The following TRANK1 variants were observed in gnomAD, a reference collection of about 807,000 sequenced individuals.
TRANK1 encodes TPR and ankyrin repeat-containing protein 1.
A neutral mutation model predicts 266.0 loss-of-function variants in TRANK1; 198 were observed. The ratio of observed to expected loss-of-function variants is 0.74; its 90% CI spans 0.66 to 0.84. The LOEUF (loss-of-function observed/expected upper bound fraction) is 0.84, where lower values mean the gene tolerates loss of function less well. Among genes scored for constraint, TRANK1 ranks in the 40% least tolerant of loss-of-function variants. The probability of loss-of-function intolerance (pLI) is 0.00; values close to 1 mark genes in which losing one functional copy is unlikely to be tolerated. For synonymous variants in TRANK1, 1,396 were observed against 1,384.1 expected (o/e 1.01, Z -0.19); for missense variants, 3,326 against 3,634.6 (o/e 0.92, Z 2.18).
At chr3:36,890,327 T>C (rs2079670312) in intron 7 of TRANK1, among the ~76,000 whole-genome samples, 2 of 152,104 alleles carry the variant, frequency 1.3e-5, no homozygotes, top group Admixed American at 1.3e-4. Context: ...AAGGTTGTGA[T>C]CCTAGTAGGG....
chr3:36,887,606 C>T (rs987057304), intron 8 of TRANK1, among the ~76,000 whole-genome samples: 20 of 152,140 alleles, frequency 1.3e-4, no homozygotes, highest in African/African-American at 3.9e-4. Flanking sequence ...GATTTGTGCA[C>T]GGACCTTCTT....
intron 8 of TRANK1, among the ~76,000 whole-genome samples, chr3:36,885,858 A>G (rs2079595415): frequency 2.0e-5 from 3 of 152,198 alleles, no homozygotes; most frequent in Non-Finnish European, 1.5e-5. Context: ...ATTATACAGC[A>G]TGCTAACTTT....
chr3:36,916,401 T>TA (rs886134762), intron 1 of TRANK1, among the ~76,000 whole-genome samples: 3 of 152,212 alleles, frequency 2.0e-5, no homozygotes, highest in East Asian at 3.9e-4. Context: ...CCGTCTCTCC[T>TA]AAAAAATACA....
chr3:36,834,516 A>G, intron 21 of TRANK1: 1 of 435,860 alleles, frequency 2.3e-6, no homozygotes, highest in Non-Finnish European at 4.0e-6. Context: ...CACACTCATA[A>G]CATACTCCCA....
chr3:36,829,603 C>T lies in TRANK1; in HGVS notation c.8770G>A (p.Asp2924Asn). ...ILILSVRDAR[D>N]WLMKTETRLK... is the part of the protein sequence containing the mutation. ...CGGGTCTCTGTTTTCATCAACCAGT[C>T]TCGTGCATCCCTGACTGACAGGATC... is the stretch of plus-strand genomic sequence containing the variant. The change falls in exon 23 of 24, where the codon GAC becomes AAC. Residue 2924 changes from aspartate to asparagine, a missense_variant. By Grantham distance (23) the Asp-to-Asn change is conservative (BLOSUM62 1). Transcript: ENST00000645898. The T allele has an allele frequency of 1.9e-6, 3 of 1,614,014 alleles. No individual in the cohort carries two copies. The highest frequency in any genetic ancestry group is 2.5e-6 in the Non-Finnish European group (3 of 1,179,896).
At chr3:36,921,097 G>A (rs11714248) in intron 1 of TRANK1, among the ~76,000 whole-genome samples, 47,400 of 151,928 alleles carry the variant, frequency 0.31, 8,496 homozygotes, top group Non-Finnish European at 0.42. Context: ...AGTCACCCCC[G>A]GTCCCCTGTT....
intron 8 of TRANK1, 59 bp from the exon 9 acceptor site, chr3:36,874,355 CAT>C: frequency 6.7e-7 from 1 of 1,501,164 alleles, no homozygotes; most frequent in Non-Finnish European, 8.9e-7. Flanking sequence ...AAGATGTCCC[CAT>C]GAGTGCTCTT....
chr3:36,879,577 T>TATATAAATATACAAATATATAAATAC (rs2079444450), intron 8 of TRANK1, among the ~76,000 whole-genome samples: 1 of 115,010 alleles, frequency 8.7e-6, no homozygotes, highest in Non-Finnish European at 1.7e-5. Context: ...TATATAAATA[T>TATATAAATATACAAATATATAAATAC]ATATAAATAT....
chr3:36,913,812 C>T (rs2080087365), intron 1 of TRANK1, among the ~76,000 whole-genome samples: 1 of 151,988 alleles, frequency 6.6e-6, no homozygotes. Flanking sequence ...ACCTTGCCAC[C>T]ACCCCCCTCA....
chr3:36,873,724 T>C (rs912288905), intron 9 of TRANK1, among the ~76,000 whole-genome samples: 4 of 152,172 alleles, frequency 2.6e-5, no homozygotes, highest in African/African-American at 7.2e-5. Context: ...CTGTCCAAAA[T>C]TGATAAACCA....
At chr3:36,895,514 C>A in intron 5 of TRANK1, 126 bp downstream of exon 5, 1 of 555,730 alleles carries the variant, frequency 1.8e-6, no homozygotes, top group South Asian at 3.2e-5. Context: ...TAATGATATC[C>A]TAGTTAAAAA....
rs146339882 is a variant in TRANK1 at position 36,911,296 on chromosome 3, G to A, written c.24-2842C>T. Among the ~76,000 whole-genome samples, 35 of 152,160 alleles carry A rather than the reference G, an allele frequency of 2.3e-4. No individual in the cohort carries two copies. In the East Asian group the frequency reaches 5.4e-3, roughly 24 times the overall value. On this transcript the variant is annotated intron_variant, in intron 1 of 23. Coordinates refer to ENST00000645898, the MANE Select transcript of TRANK1 (RefSeq NM_001329998.2). Reference sequence around the variant, plus strand: ...AATATGCCAAAATGTTAAAAGCCACGCCTTTGGGATTTGACAGAATTTTAA... The same window carrying A: ...AATATGCCAAAATGTTAAAAGCCACACCTTTGGGATTTGACAGAATTTTAA...
rs960232410 is a variant in TRANK1 at position 36,908,265 on chromosome 3, A to G, written c.155+58T>C. ...TGATAAGAAATGAAAAGAAATCATA[A>G]GGAACAGAGTCCCATGTACTGAAAA... On this transcript the variant is annotated intron_variant, in intron 2 of 23. Coordinates refer to ENST00000645898, the MANE Select transcript of TRANK1 (RefSeq NM_001329998.2). The G allele has an allele frequency of 8.0e-5, 98 of 1,231,046 alleles. 1 individual carries two copies. In the African/African-American group the frequency reaches 1.4e-3, roughly 17 times the overall value. 76.3% of individuals were successfully genotyped at this position (1,231,046 alleles called of 1,614,324 possible). A position where few individuals can be genotyped will look rare whatever the true frequency, so the allele number is the denominator to read the frequency against.
chr3:36,873,027 A>C (rs948989551), intron 9 of TRANK1, among the ~76,000 whole-genome samples: 2 of 152,254 alleles, frequency 1.3e-5, no homozygotes, highest in Non-Finnish European at 2.9e-5. Context: ...AAGGTTTTAC[A>C]GTACATTTCA....
At chr3:36,869,284 T>C (rs2079271308) in intron 9 of TRANK1, among the ~76,000 whole-genome samples, 1 of 152,204 alleles carries the variant, frequency 6.6e-6, no homozygotes, top group Admixed American at 6.5e-5. Context: ...CAGAAATCTT[T>C]AGCAAGACCC....
intron 20 of TRANK1, 36 bp downstream of exon 20, chr3:36,838,336 G>A (rs1468356778): frequency 6.2e-7 from 1 of 1,610,778 alleles, no homozygotes; most frequent in Non-Finnish European, 8.5e-7. Flanking sequence ...GTGAAGCCCA[G>A]TTTTCCCTGG....
rs745787792 is a variant in TRANK1 at position 36,856,517 on chromosome 3, G to A, written c.3205C>T (p.Leu1069=). 5 of 1,613,886 alleles carry A rather than the reference G, an allele frequency of 3.1e-6. No homozygotes were observed. In the South Asian group the frequency reaches 5.5e-5, roughly 18 times the overall value. The change falls in exon 13 of 24, where the codon CTG becomes TTG. Residue 1069 remains leucine (L), a synonymous_variant. Coordinates refer to ENST00000645898, the MANE Select transcript of TRANK1 (RefSeq NM_001329998.2). ...CGCCCAATAAGGATGATGGGCTCCAGTGGCCTGGGATTGAGGTCGATCACC... is the reference window on the plus strand; with the variant it reads ...CGCCCAATAAGGATGATGGGCTCCAATGGCCTGGGATTGAGGTCGATCACC... ...YAVIDLNPRP[L]EPIILIGRSG... is the part of the protein sequence containing the mutation.
chr3:36,904,526 GAA>G (rs60347042), intron 2 of TRANK1, among the ~76,000 whole-genome samples: 8 of 144,336 alleles, frequency 5.5e-5, no homozygotes, highest in South Asian at 2.2e-4. Context: ...CTCAAAAAAA[GAA>G]AAAAAAAAAT....
chr3:36,908,650 C>A (rs2080008765), intron 1 of TRANK1, 196 bp from the exon 2 acceptor site: 5 of 1,222,402 alleles, frequency 4.1e-6, no homozygotes, highest in South Asian at 8.5e-5. Context: ...TTTGTCAGTT[C>A]TTTTCTGTTC....
Sources: allele counts gnomAD v4.1 joint callset (sites outside exome capture counted in the v4.1 genomes callset), GRCh38; gene constraint gnomAD v4.1.1; transcripts MANE v1.5; gene names NCBI Gene and HGNC (gene_info 2026-07-23, HGNC 2026-07-21).